GOSR1: variants seen among roughly 807,000 people sequenced by gnomAD.
The protein encoded by GOSR1 is 28 kDa Golgi SNARE protein.
Under a neutral mutation model 35.5 loss-of-function variants are expected in GOSR1, and 21 were observed. That is an observed-to-expected ratio of 0.59 (90% CI 0.42 to 0.85). The LOEUF (loss-of-function observed/expected upper bound fraction) is 0.85, where lower values mean the gene tolerates loss of function less well. Ranked by LOEUF, GOSR1 falls within the 40% of genes least tolerant of loss-of-function variation. GOSR1 has a pLI of 0.00. For synonymous variants in GOSR1, 94 were observed against 106.6 expected (o/e 0.88, Z 0.73); for missense variants, 285 against 309.6 (o/e 0.92, Z 0.60).
intron 6 of GOSR1, among the ~76,000 whole-genome samples, chr17:30,502,807 A>T (rs1377236343): frequency 6.6e-6 from 1 of 152,240 alleles, no homozygotes; most frequent in Non-Finnish European, 1.5e-5. Flanking sequence ...TAAAATAAAA[A>T]GCTCTTAGCA....
At chr17:30,479,125 T>C (rs1914159482) in intron 1 of GOSR1, 1 of 152,280 alleles carries the variant, frequency 6.6e-6, no homozygotes, top group South Asian at 2.1e-4. Context: ...AGATTCGAAC[T>C]GGCATTTGGT....
At chr17:30,520,890 T>G (rs1968003937) in intron 8 of GOSR1, among the ~76,000 whole-genome samples, 1 of 152,232 alleles carries the variant, frequency 6.6e-6, no homozygotes, top group Non-Finnish European at 1.5e-5. Flanking sequence ...AAAATCACAT[T>G]TTAGATAGGG....
intron 2 of GOSR1, among the ~76,000 whole-genome samples, chr17:30,483,502 T>C (rs1021707463): frequency 6.6e-6 from 1 of 152,208 alleles, no homozygotes; most frequent in Admixed American, 6.5e-5. Flanking sequence ...AGAGGAGGAT[T>C]TATATTAGTA....
At chr17:30,513,721 C>T (rs928341233) in intron 7 of GOSR1, among the ~76,000 whole-genome samples, 3 of 152,060 alleles carry the variant, frequency 2.0e-5, no homozygotes, top group African/African-American at 2.4e-5. Context: ...GAGGCTGAGG[C>T]GGGAGGACTG....
intron 6 of GOSR1, among the ~76,000 whole-genome samples, chr17:30,506,290 G>T (rs1298235205): frequency 6.6e-6 from 1 of 152,224 alleles, no homozygotes; most frequent in African/African-American, 2.4e-5. Flanking sequence ...TAGCCAAGTT[G>T]TGAAAGCAAA....
At chr17:30,507,462 C>G (rs1423180234) in intron 6 of GOSR1, among the ~76,000 whole-genome samples, 1 of 152,168 alleles carries the variant, frequency 6.6e-6, no homozygotes, top group East Asian at 1.9e-4. Flanking sequence ...TGCCTGTAAT[C>G]CTGTAATCCC....
rs754933586 is a variant in GOSR1, at chr17:30,484,228, C to T, written c.161C>T (p.Pro54Leu). 3 of 1,597,530 alleles carry T rather than the reference C, an allele frequency of 1.9e-6. No homozygotes were observed. The highest frequency in any genetic ancestry group is 2.6e-6 in the Non-Finnish European group (3 of 1,165,130). Residue 54 changes from proline to leucine, a missense_variant, in exon 3 of 9, where the codon CCC becomes CTC. Pro to Leu is a moderately conservative substitution (Grantham distance 98, BLOSUM62 -3). This residue lies in a region of GOSR1 where 108 missense variants were observed against 98.9 expected (regional missense o/e 1.09). Transcript: ENST00000451249. ...CTTCTTTTTAGTTCTGATACAACACCCCTTTTAAATGGATCAAGCCAAGAC... is the reference window on the plus strand; with the variant it reads ...CTTCTTTTTAGTTCTGATACAACACTCCTTTTAAATGGATCAAGCCAAGAC... ...DGRRDSSDTT[P>L]LLNGSSQDRM...
At chr17:30,484,591 A>G in intron 3 of GOSR1, 72 bp from the exon 4 acceptor site, 2 of 787,862 alleles carry the variant, frequency 2.5e-6, no homozygotes, top group South Asian at 1.7e-5. Flanking sequence ...GCATATAGGC[A>G]AATAATTTGC....
chr17:30,481,805 C>T (rs1454093920), intron 2 of GOSR1, among the ~76,000 whole-genome samples: 1 of 152,030 alleles, frequency 6.6e-6, no homozygotes, highest in Non-Finnish European at 1.5e-5. Context: ...GAAGCTTATG[C>T]TCTCTGTAAG....
chr17:30,506,592 A>AGCAGGAAGTGCTGGTGTAGAAGCT (rs1967410963), intron 6 of GOSR1, among the ~76,000 whole-genome samples: 1 of 152,264 alleles, frequency 6.6e-6, no homozygotes, highest in African/African-American at 2.4e-5. Flanking sequence ...GCAAGGTTGA[A>AGCAGGAAGTGCTGGTGTAGAAGCT]GCAGGAAGTG....
At chr17:30,484,124 T>A (rs1363458485) in intron 2 of GOSR1, 90 bp from the exon 3 acceptor site, 2 of 747,170 alleles carry the variant, frequency 2.7e-6, no homozygotes, top group Non-Finnish European at 4.9e-6. Flanking sequence ...TAATTCATTT[T>A]ATGGCTCCTA....
chr17:30,495,187 C>CAAAAAAA (rs11369569), intron 6 of GOSR1, among the ~76,000 whole-genome samples: 3 of 81,312 alleles, frequency 3.7e-5, no homozygotes, highest in African/African-American at 4.8e-5. Flanking sequence ...GACTCCGGCT[C>CAAAAAAA]AAAAAAAAAA....
rs1441377478 is a variant in GOSR1 at position 30,524,792 on chromosome 17, A to G, written c.*2414A>G. 1 of 152,242 alleles carries G rather than the reference A, an allele frequency of 6.6e-6. No individual in the cohort carries two copies. Among genetic ancestry groups the G allele is most frequent in the Non-Finnish European group, 1.5e-5 (1 of 68,044 alleles). 9.4% of individuals were successfully genotyped at this position (152,242 alleles called of 1,614,324 possible). On this transcript the variant is annotated 3_prime_UTR_variant, in exon 9 of 9. Transcript: ENST00000451249. ...TGCTTTTGTAAATGCTCCACAACGT[A>G]TGGGCAAAAGTTTAAGGACTACTGC... is the stretch of plus-strand genomic sequence containing the variant.
chr17:30,488,407 G>C (rs552661862), intron 4 of GOSR1, among the ~76,000 whole-genome samples: 1 of 150,152 alleles, frequency 6.7e-6, no homozygotes, highest in South Asian at 2.1e-4. Flanking sequence ...CTCATGATCC[G>C]CCTGCCTTGG....
At chr17:30,500,039 A>G (rs150738355) in intron 6 of GOSR1, among the ~76,000 whole-genome samples, 14 of 151,924 alleles carry the variant, frequency 9.2e-5, no homozygotes, top group East Asian at 1.9e-4. Context: ...GCTTTTTTCT[A>G]TTGTGTTATA....
chr17:30,482,618 C>T (rs1009059836), intron 2 of GOSR1, among the ~76,000 whole-genome samples: 6 of 152,134 alleles, frequency 3.9e-5, no homozygotes, highest in Non-Finnish European at 8.8e-5. Context: ...CTCCAGAGCC[C>T]ACACTCTAAA....
intron 4 of GOSR1, among the ~76,000 whole-genome samples, chr17:30,488,795 C>T (rs1322006754): frequency 6.6e-6 from 1 of 152,082 alleles, no homozygotes. Flanking sequence ...ACCTCAGCCT[C>T]CCAAAGTGCT....
At chr17:30,484,816 GTTT>G in intron 4 of GOSR1, 46 bp downstream of exon 4, 15 of 818,768 alleles carry the variant, frequency 1.8e-5, no homozygotes, top group Non-Finnish European at 2.2e-5. Context: ...AGGAGTTTGG[GTTT>G]TTTTTTTTTT....
Position 30,523,159 on chromosome 17 carries a change from C to G in GOSR1, c.*781C>G, listed in dbSNP as rs577314246. On this transcript the variant is annotated 3_prime_UTR_variant, in exon 9 of 9. Coordinates refer to ENST00000451249, the MANE Select transcript of GOSR1 (RefSeq NM_001007025.2). Reference sequence around the variant, plus strand: ...AGCCTCTGCCCGGCCGCCACCCCGTCTGGAAAGTGAGGAGCGCCTCTGCCC... The same window carrying G: ...AGCCTCTGCCCGGCCGCCACCCCGTGTGGAAAGTGAGGAGCGCCTCTGCCC... 5 of 198,122 alleles carry G rather than the reference C, an allele frequency of 2.5e-5. No homozygotes were observed. The South Asian group carries it at 3.6e-4, about 14-fold the overall frequency. 12.3% of individuals were successfully genotyped at this position (198,122 alleles called of 1,614,324 possible).
Sources: allele counts gnomAD v4.1 joint callset (sites outside exome capture counted in the v4.1 genomes callset), GRCh38; gene constraint gnomAD v4.1.1; regional missense constraint gnomAD v4.1.1; transcripts MANE v1.5; gene names NCBI Gene and HGNC (gene_info 2026-07-23, HGNC 2026-07-21).